NLRC5: variants seen among roughly 807,000 people sequenced by gnomAD.
NLRC5 encodes the protein protein NLRC5.
Under a neutral mutation model 206.9 loss-of-function variants are expected in NLRC5, and 114 were observed. The observed-to-expected ratio is 0.55, with a 90% CI of 0.47 to 0.64. The LOEUF (loss-of-function observed/expected upper bound fraction) is 0.64. Among genes scored for constraint, NLRC5 ranks in the 30% least tolerant of loss-of-function variants. The pLI, the probability that NLRC5 is intolerant of heterozygous loss-of-function variation, is 0.00. For missense variants in NLRC5, 2,008 were observed against 2,305.5 expected (o/e 0.87, Z 2.64); for synonymous variants, 952 against 962.8 (o/e 0.99, Z 0.21).
intron 10 of NLRC5, 58 bp downstream of exon 10, chr16:57,030,142 G>A: frequency 2.8e-6 from 4 of 1,418,930 alleles, no homozygotes; most frequent in African/African-American, 1.4e-5. Flanking sequence ...GGAGGGGAAA[G>A]TGGGATGGGA....
At position 57,058,632 on chromosome 16, in the gene NLRC5, G is replaced by A. The variant is rs954905235; in HGVS notation, c.3831-340G>A. On this transcript the variant is annotated intron_variant, in intron 28 of 48. Coordinates refer to ENST00000688547, the MANE Select transcript of NLRC5 (RefSeq NM_001384950.1). ...CTGCTGGAGTGACAGCCAGCTCCAG[G>A]ACACCACTTGTTGCTAGGCAACTGA... 1.1e-4 allele frequency: 41 copies of A among 365,684 alleles called. No individual in the cohort carries two copies. In the South Asian group the frequency reaches 1.3e-3, roughly 12 times the overall value. 22.7% of individuals were successfully genotyped at this position (365,684 alleles called of 1,614,324 possible). A position where few individuals can be genotyped will look rare whatever the true frequency, so the allele number is the denominator to read the frequency against.
chr16:57,065,386 A>G (rs2066974128), intron 33 of NLRC5, 88 bp downstream of exon 33: 3 of 877,152 alleles, frequency 3.4e-6, no homozygotes, highest in Non-Finnish European at 3.2e-6. Flanking sequence ...CCTGTGGGGT[A>G]ATAGCTGTGT....
chr16:57,053,807 G>A (rs540312802), intron 24 of NLRC5, among the ~76,000 whole-genome samples: 174 of 152,308 alleles, frequency 1.1e-3, no homozygotes, highest in African/African-American at 4.0e-3. Flanking sequence ...GAGATTACAG[G>A]CAGGAGCCAC....
At chr16:57,013,180 G>A (rs1334260081) in intron 1 of NLRC5, 2 of 383,392 alleles carry the variant, frequency 5.2e-6, no homozygotes, top group Non-Finnish European at 1.0e-5. Context: ...TTTACCAAAG[G>A]GATTGACTTC....
intron 33 of NLRC5, among the ~76,000 whole-genome samples, chr16:57,066,291 C>A (rs185179649): frequency 6.7e-6 from 1 of 149,718 alleles, no homozygotes; most frequent in East Asian, 2.0e-4. Flanking sequence ...GGCTACAGAG[C>A]AAGACCCTGT....
intron 23 of NLRC5, among the ~76,000 whole-genome samples, chr16:57,051,129 G>A (rs764677367): frequency 1.3e-5 from 2 of 152,220 alleles, no homozygotes; most frequent in South Asian, 2.1e-4. Flanking sequence ...AAAGTGCTGC[G>A]ATTACAGGCA....
Position 57,074,362 on chromosome 16 carries a change from G to A in NLRC5, c.4668-238G>A, listed in dbSNP as rs529462445. Reference sequence around the variant, plus strand: ...TGACCGCCATTATTACGGATCATTAGTCTTGGTCCATGTGGTTCAGAACAT... The same window carrying A: ...TGACCGCCATTATTACGGATCATTAATCTTGGTCCATGTGGTTCAGAACAT... On this transcript the variant is annotated intron_variant, in intron 38 of 48. Coordinates refer to ENST00000688547, the MANE Select transcript of NLRC5 (RefSeq NM_001384950.1). 2.1e-5 allele frequency: 9 copies of A among 430,154 alleles called. No individual in the cohort carries two copies. In the South Asian group the frequency reaches 2.7e-4, roughly 13 times the overall value. 26.6% of individuals were successfully genotyped at this position (430,154 alleles called of 1,614,324 possible).
intron 12 of NLRC5, 30 bp downstream of exon 12, chr16:57,033,699 G>A: frequency 6.2e-7 from 1 of 1,602,102 alleles, no homozygotes; most frequent in Non-Finnish European, 8.6e-7. Context: ...TGCCTTAGGA[G>A]AGGGATATGA....
chr16:57,056,315 G>A (rs954325843), intron 27 of NLRC5, among the ~76,000 whole-genome samples: 2 of 152,060 alleles, frequency 1.3e-5, no homozygotes, highest in Admixed American at 6.6e-5. Flanking sequence ...TTAAGACCTG[G>A]GGTCTCACTC....
In NLRC5 at chr16:57,028,052, T is replaced by C. The variant is rs201336034; in HGVS notation, c.2076-20T>C. 4 of 1,600,738 alleles carry C rather than the reference T, an allele frequency of 2.5e-6. No individual in the cohort carries two copies. Among genetic ancestry groups the C allele is most frequent in the African/African-American group, 2.7e-5 (2 of 74,814 alleles). Reference sequence around the variant, plus strand: ...CTGCCCAGCACTGATCCTCTGACACTTCGCTTCTTCTTATGGCAGCTTTAA... The same window carrying C: ...CTGCCCAGCACTGATCCTCTGACACCTCGCTTCTTCTTATGGCAGCTTTAA... On this transcript the variant is annotated intron_variant, in intron 6 of 48. Coordinates refer to ENST00000688547, the MANE Select transcript of NLRC5 (RefSeq NM_001384950.1).
intron 1 of NLRC5, among the ~76,000 whole-genome samples, chr16:57,016,596 T>C (rs1333532937): frequency 6.6e-6 from 1 of 152,218 alleles, no homozygotes; most frequent in Non-Finnish European, 1.5e-5. Context: ...GTCTTCTCTT[T>C]AAGAAGAATG....
chr16:57,015,890 A>T (rs2060014592), intron 1 of NLRC5, among the ~76,000 whole-genome samples: 1 of 132,766 alleles, frequency 7.5e-6, no homozygotes, highest in African/African-American at 2.9e-5. Context: ...ATGCCATTGC[A>T]CTCCAGCCTG....
rs2060629421 is a variant in NLRC5, at chr16:57,021,170, C to T, written c.295+163C>T. ...TTCCCAGAACAAATTTCCTAATGCG[C>T]CCAAATCTGCTGGGGCCTGGAGGAC... is the stretch of plus-strand genomic sequence containing the variant. On this transcript the variant is annotated intron_variant, in intron 3 of 48. Transcript: ENST00000688547. 6.2e-6 allele frequency: 4 copies of T among 640,256 alleles called. No individual in the cohort carries two copies. In the South Asian group the frequency reaches 8.1e-5, roughly 13 times the overall value. 39.7% of individuals were successfully genotyped at this position (640,256 alleles called of 1,614,324 possible).
intron 1 of NLRC5, among the ~76,000 whole-genome samples, chr16:57,003,397 A>C (rs1243474031): frequency 1.3e-5 from 2 of 152,076 alleles, no homozygotes. Context: ...GGGATTCCAC[A>C]TGCCCCATCC....
In NLRC5 at chr16:57,081,542, G is replaced by C; in HGVS notation, c.5421G>C (p.Gln1807His). 6.2e-7 allele frequency: 1 copy of C among 1,614,124 alleles called. No individual in the cohort carries two copies. Among genetic ancestry groups the C allele is most frequent in the Non-Finnish European group, 8.5e-7 (1 of 1,180,004 alleles). Residue 1807 changes from glutamine (Q) to histidine (H), a missense_variant, in exon 48 of 49, where the codon CAG (glutamine) becomes CAC (histidine). By Grantham distance (24) the Gln-to-His change is conservative (BLOSUM62 0). Transcript: ENST00000688547. Reference protein sequence around the residue: ...RLKRVDLEKNQITALGAWLLA... With the variant: ...RLKRVDLEKNHITALGAWLLA... ...CACTGAGAAGCCTGGAGAAGAATCA[G>C]ATCACAGCTTTGGGGGCCTGGCTCC...
rs371061436 is a variant in NLRC5, at chr16:57,023,869, G to A, written c.424+16G>A. On this transcript the variant is annotated intron_variant, in intron 5 of 48. Coordinates refer to ENST00000688547, the MANE Select transcript of NLRC5 (RefSeq NM_001384950.1). Reference sequence around the variant, plus strand: ...CAGCAGCTAGGTGGGTACCAGTGTGGGGAGGAACATAAACAGAGAGATGGG... The same window carrying A: ...CAGCAGCTAGGTGGGTACCAGTGTGAGGAGGAACATAAACAGAGAGATGGG... The A allele has an allele frequency of 8.1e-6, 13 of 1,602,020 alleles. No homozygotes were observed. Among genetic ancestry groups the A allele is most frequent in the African/African-American group, 1.3e-5 (1 of 74,798 alleles).
chr16:57,017,825 G>A (rs778499987), intron 2 of NLRC5, among the ~76,000 whole-genome samples: 12 of 152,208 alleles, frequency 7.9e-5, no homozygotes, highest in Non-Finnish European at 1.0e-4. Context: ...CAAAGGCCTA[G>A]AAAGAGGAGA....
intron 1 of NLRC5, chr16:57,004,359 C>T (rs1272320132): frequency 6.6e-6 from 1 of 152,274 alleles, no homozygotes; most frequent in African/African-American, 2.4e-5. Context: ...CACTCCTGGC[C>T]TCAAACGATC....
rs373089775 is a variant in NLRC5 at position 57,025,655 on chromosome 16, G to A, written c.712G>A (p.Ala238Thr). 3 of 1,614,012 alleles carry A rather than the reference G, an allele frequency of 1.9e-6. No individual in the cohort carries two copies. The highest frequency in any genetic ancestry group is 2.7e-5 in the African/African-American group (2 of 74,888). Residue 238 changes from alanine to threonine, a missense_variant, in exon 6 of 49, where the codon GCC becomes ACC. Coordinates refer to ENST00000688547, the MANE Select transcript of NLRC5 (RefSeq NM_001384950.1). ...GGCTGGCATGGGCAAGACCACGCTG[G>A]CCCACCGGCTCTGCCAGAAGTGGGC... The part of the protein sequence containing the change: ...GKAGMGKTTL[A>T]HRLCQKWAEG...
Sources: allele counts gnomAD v4.1 joint callset (sites outside exome capture counted in the v4.1 genomes callset), GRCh38; gene constraint gnomAD v4.1.1; transcripts MANE v1.5; gene names NCBI Gene and HGNC (gene_info 2026-07-23, HGNC 2026-07-21).